The following DPYD variants were observed in gnomAD, a reference collection of about 807,000 sequenced individuals.
DPYD encodes the protein dihydropyrimidine dehydrogenase.
Under a neutral mutation model 116.2 loss-of-function variants are expected in DPYD, and 109 were observed. That is an observed-to-expected ratio of 0.94 (90% CI 0.80 to 1.10). The LOEUF (loss-of-function observed/expected upper bound fraction) is 1.10, where lower values mean the gene tolerates loss of function less well. DPYD is among the 50% of genes least tolerant of loss of function. The pLI is 0.00. For synonymous variants in DPYD, 440 were observed against 432.0 expected (o/e 1.02, Z -0.23); for missense variants, 1,302 against 1,254.5 (o/e 1.04, Z -0.57).
intron 16 of DPYD, among the ~76,000 whole-genome samples, chr1:97,343,876 T>C (rs948007146): frequency 6.6e-6 from 1 of 152,016 alleles, no homozygotes; most frequent in African/African-American, 2.4e-5. Flanking sequence ...AGTCTGTAAG[T>C]CTTTAAAATT....
intron 14 of DPYD, among the ~76,000 whole-genome samples, chr1:97,418,451 C>T (rs1211641458): frequency 6.6e-6 from 1 of 151,974 alleles, no homozygotes; most frequent in African/African-American, 2.4e-5. Context: ...CAGGTGCCTG[C>T]CACCACACCC....
At chr1:97,596,824 T>C (rs999345239) in intron 8 of DPYD, among the ~76,000 whole-genome samples, 1 of 152,190 alleles carries the variant, frequency 6.6e-6, no homozygotes, top group African/African-American at 2.4e-5. Context: ...CCCCTGAATC[T>C]CCTTTTCCAT....
At chr1:97,438,086 T>A (rs1675566754) in intron 14 of DPYD, among the ~76,000 whole-genome samples, 1 of 152,070 alleles carries the variant, frequency 6.6e-6, no homozygotes, top group South Asian at 2.1e-4. Context: ...GCCACATTAA[T>A]CTATTTGCCT....
At chr1:97,359,500 A>G (rs996861653) in intron 16 of DPYD, among the ~76,000 whole-genome samples, 3 of 152,186 alleles carry the variant, frequency 2.0e-5, no homozygotes, top group South Asian at 2.1e-4. Context: ...TCCAAGACAC[A>G]TAATTGTCAG....
At position 97,235,007 on chromosome 1, in the gene DPYD, A is replaced by G. The variant is rs979598953; in HGVS notation, c.2300-13T>C. On this transcript the variant is annotated splice_polypyrimidine_tract_variant and intron_variant, in intron 18 of 22. Transcript: ENST00000370192. ...CTGATTGCTGTCCCTACACAAAATC[A>G]GAATAATCAATGGTTAGCACACTGA... is the stretch of plus-strand genomic sequence containing the variant. The G allele has an allele frequency of 1.2e-6, 2 of 1,614,128 alleles. No homozygotes were observed. Among genetic ancestry groups the G allele is most frequent in the South Asian group, 2.2e-5 (2 of 91,074 alleles).
At position 97,257,464 on chromosome 1, in the gene DPYD, A is replaced by AGAG. The variant is rs1557977908; in HGVS notation, c.2300-22471_2300-22470insCTC. On this transcript the variant is annotated intron_variant, in intron 18 of 22. Coordinates refer to ENST00000370192, the MANE Select transcript of DPYD (RefSeq NM_000110.4). ...ATATATATATATATAGAGAGAGAGAAAGAGAGAGAGAGCACGTGAGTTATG... is the reference window on the plus strand; with the variant it reads ...ATATATATATATATAGAGAGAGAGAAGAGAGAGAGAGAGAGCACGTGAGTTATG... Among the ~76,000 whole-genome samples, 524 of 138,204 alleles carry AGAG rather than the reference A, an allele frequency of 3.8e-3. 2 individuals carry two copies. The highest frequency in any genetic ancestry group is 0.016 in the East Asian group (72 of 4,610). 90.7% of individuals were successfully genotyped at this position (138,204 alleles called of 152,430 possible). A position where few individuals can be genotyped will look rare whatever the true frequency, so the allele number is the denominator to read the frequency against.
chr1:97,295,419 G>T (rs1363674073), intron 18 of DPYD: 1 of 149,330 alleles, frequency 6.7e-6, no homozygotes, highest in Non-Finnish European at 1.5e-5. Context: ...TAAATACTGA[G>T]ATTTATAAAT....
chr1:97,595,035 A>G (rs779047090), intron 9 of DPYD, 24 bp downstream of exon 9: 1 of 1,521,984 alleles, frequency 6.6e-7, no homozygotes, highest in South Asian at 1.1e-5. Flanking sequence ...CTCACTATTA[A>G]GCATAAAAGA....
At chr1:97,361,175 G>A (rs571051351) in intron 16 of DPYD, among the ~76,000 whole-genome samples, 4 of 151,994 alleles carry the variant, frequency 2.6e-5, no homozygotes, top group South Asian at 2.1e-4. Flanking sequence ...TACTATAAAC[G>A]TCTCTACCAA....
At chr1:97,387,403 C>T (rs953491599) in intron 14 of DPYD, among the ~76,000 whole-genome samples, 2 of 152,064 alleles carry the variant, frequency 1.3e-5, no homozygotes, top group African/African-American at 4.8e-5. Context: ...GCTGTTCTAA[C>T]TCAGAAGTGA....
At chr1:97,251,389 T>C (rs1333551327) in intron 18 of DPYD, among the ~76,000 whole-genome samples, 3 of 67,230 alleles carry the variant, frequency 4.5e-5, no homozygotes, top group Non-Finnish European at 7.8e-5. Context: ...TGAAACTCTG[T>C]CTAAAAAAAA....
chr1:97,217,878 ACT>A (rs763360339), intron 19 of DPYD, among the ~76,000 whole-genome samples: 3 of 151,992 alleles, frequency 2.0e-5, no homozygotes, highest in African/African-American at 4.8e-5. Flanking sequence ...GAGGACTGAG[ACT>A]CTGAATTGTG....
At chr1:97,394,271 T>C (rs1350064609) in intron 14 of DPYD, 3 of 152,170 alleles carry the variant, frequency 2.0e-5, no homozygotes, top group Admixed American at 6.6e-5. Flanking sequence ...TAGTTTCTTT[T>C]GCTGTGCAGA....
chr1:97,533,183 C>T (rs928706932), intron 12 of DPYD, among the ~76,000 whole-genome samples: 2 of 151,872 alleles, frequency 1.3e-5, no homozygotes, highest in Non-Finnish European at 2.9e-5. Context: ...GATTACAATT[C>T]AACATGAGAT....
chr1:97,139,144 C>T (rs529534269), intron 20 of DPYD, among the ~76,000 whole-genome samples: 1 of 152,112 alleles, frequency 6.6e-6, no homozygotes, highest in South Asian at 2.1e-4. Flanking sequence ...TATAATAGCT[C>T]CAAATTAAGA....
At position 97,574,075 on chromosome 1, in the gene DPYD, A is replaced by T. The variant is rs2102185651; in HGVS notation, c.1129-105T>A. 2.0e-6 allele frequency: 3 copies of T among 1,521,396 alleles called. No individual in the cohort carries two copies. In the East Asian group the frequency reaches 7.4e-5, roughly 37 times the overall value. The allele number at this position is 1,521,396 out of a possible 1,614,324, so 94.2% of individuals were successfully genotyped here. On this transcript the variant is annotated intron_variant, in intron 10 of 22. Transcript: ENST00000370192. ...ATGCTAAAGCTTATGATATTAAGTC[A>T]ATATGCAGCTTTTTCTTTCACCAAA...
At chr1:97,246,706 C>T (rs1044207287) in intron 18 of DPYD, among the ~76,000 whole-genome samples, 3 of 151,928 alleles carry the variant, frequency 2.0e-5, no homozygotes, top group East Asian at 3.9e-4. Flanking sequence ...CCCCAGCTCT[C>T]GCAGCTACCA....
intron 3 of DPYD, among the ~76,000 whole-genome samples, chr1:97,778,178 G>A (rs1047669194): frequency 2.9e-4 from 12 of 41,020 alleles, no homozygotes; most frequent in East Asian, 7.2e-4. Context: ...AAAAAAGAAA[G>A]AAAGAAAGAA....
intron 13 of DPYD, among the ~76,000 whole-genome samples, chr1:97,454,996 T>C (rs1296147071): frequency 1.3e-5 from 2 of 151,808 alleles, no homozygotes; most frequent in East Asian, 1.9e-4. Flanking sequence ...TCTAGAAAAA[T>C]ATATAGAATA....
Sources: allele counts gnomAD v4.1 joint callset (sites outside exome capture counted in the v4.1 genomes callset), GRCh38; gene constraint gnomAD v4.1.1; transcripts MANE v1.5; gene names NCBI Gene and HGNC (gene_info 2026-07-23, HGNC 2026-07-21).